Variants in TMEM132C observed in about 807,000 individuals in gnomAD.
The protein encoded by TMEM132C is transmembrane protein 132C.
A neutral mutation model predicts 61.4 loss-of-function variants in TMEM132C; 29 were observed. The ratio of observed to expected loss-of-function variants is 0.47; its 90% CI spans 0.35 to 0.64. The LOEUF is 0.64. TMEM132C is among the 30% of genes least tolerant of loss of function. The pLI is 0.00. For synonymous variants in TMEM132C, 656 were observed against 633.1 expected, an observed-to-expected ratio of 1.04 and a Z score of -0.54; for missense variants, 1,408 against 1,476.9, an observed-to-expected ratio of 0.95 and a Z score of 0.76.
intron 1 of TMEM132C, among the ~76,000 whole-genome samples, chr12:128,338,211 C>A (rs1179422335): frequency 1.3e-5 from 2 of 152,012 alleles, no homozygotes; most frequent in African/African-American, 4.8e-5. Context: ...TCGTGAAGCA[C>A]TGGTTAGGTT....
chr12:128,702,967 T>C (rs1319208193), intron 8 of TMEM132C, among the ~76,000 whole-genome samples: 2 of 152,024 alleles, frequency 1.3e-5, no homozygotes, highest in Non-Finnish European at 2.9e-5. Context: ...TACTTGACTT[T>C]TTCAGCAGAG....
intron 1 of TMEM132C, among the ~76,000 whole-genome samples, chr12:128,392,052 GTCTCTCTCTCTT>G (rs768065165): frequency 0.048 from 5,997 of 125,560 alleles, 147 homozygotes; most frequent in African/African-American, 0.065. Flanking sequence ...CTCTGTCTCT[GTCTCTCTCTCTT>G]TCTCTCTCTC....
intron 3 of TMEM132C, among the ~76,000 whole-genome samples, chr12:128,582,918 G>A (rs1486994730): frequency 6.6e-6 from 1 of 152,142 alleles, no homozygotes; most frequent in Admixed American, 6.5e-5. Flanking sequence ...GAGATTATAA[G>A]CATGAGCCAT....
chr12:128,533,942 CGCACAT>C (rs1873420451), intron 2 of TMEM132C, among the ~76,000 whole-genome samples: 1 of 120,714 alleles, frequency 8.3e-6, no homozygotes, highest in Non-Finnish European at 1.8e-5. Context: ...CTCACACATG[CGCACAT>C]ACACACACAC....
chr12:128,666,454 C>A (rs1954475624), intron 4 of TMEM132C, among the ~76,000 whole-genome samples: 1 of 152,242 alleles, frequency 6.6e-6, no homozygotes, highest in East Asian at 1.9e-4. Flanking sequence ...GCTACCCAGT[C>A]TATGCTATTT....
intron 1 of TMEM132C, among the ~76,000 whole-genome samples, chr12:128,373,995 G>C (rs564928750): frequency 5.9e-5 from 9 of 152,218 alleles, no homozygotes; most frequent in Non-Finnish European, 1.2e-4. Context: ...CCTGGCTTAA[G>C]ATCCTGTGTC....
chr12:128,561,174 A>G (rs1012598829), intron 3 of TMEM132C, among the ~76,000 whole-genome samples: 1 of 152,360 alleles, frequency 6.6e-6, no homozygotes, highest in Admixed American at 6.5e-5. Flanking sequence ...TTTATGAAGC[A>G]AAGTTTTTAT....
At chr12:128,696,177 C>A (rs1593152076) in intron 7 of TMEM132C, 74 bp downstream of exon 7, 8 of 1,489,118 alleles carry the variant, frequency 5.4e-6, no homozygotes, top group African/African-American at 1.4e-5. Flanking sequence ...AATGGGTGGG[C>A]AGATCACTGT....
intron 1 of TMEM132C, among the ~76,000 whole-genome samples, chr12:128,346,434 C>A (rs1288780401): frequency 6.6e-6 from 1 of 152,054 alleles, no homozygotes; most frequent in East Asian, 1.9e-4. Flanking sequence ...TTTTCTAGTT[C>A]TGTGAAGTAT....
chr12:128,394,847 T>G (rs1874886831), intron 1 of TMEM132C, among the ~76,000 whole-genome samples: 1 of 146,316 alleles, frequency 6.8e-6, no homozygotes, highest in African/African-American at 2.6e-5. Context: ...CAAGGGACAC[T>G]CTCTTAAAGC....
At chr12:128,460,986 C>A (rs773843802) in intron 2 of TMEM132C, among the ~76,000 whole-genome samples, 2 of 152,078 alleles carry the variant, frequency 1.3e-5, no homozygotes, top group Non-Finnish European at 2.9e-5. Flanking sequence ...GATGCGTGTT[C>A]ATCAAAAGCC....
chr12:128,502,689 T>C (rs569617460), intron 2 of TMEM132C, among the ~76,000 whole-genome samples: 6 of 152,310 alleles, frequency 3.9e-5, no homozygotes, highest in South Asian at 2.1e-4. Context: ...TGGCAGCCTC[T>C]TGGTTTGTCT....
intron 2 of TMEM132C, among the ~76,000 whole-genome samples, chr12:128,528,088 G>T (rs142556120): frequency 4.9e-4 from 75 of 152,284 alleles, no homozygotes; most frequent in African/African-American, 1.6e-3. Context: ...TCGTTGTTAC[G>T]ATTGGACATA....
Position 128,583,008 on chromosome 12 carries a change from A to G in TMEM132C, c.1122-33144A>G, listed in dbSNP as rs145156042. 7.0e-3 allele frequency among the ~76,000 whole-genome samples: 1,064 copies of G among 152,342 alleles called. 6 individuals are homozygous for G. Among genetic ancestry groups the G allele is most frequent in the African/African-American group, 0.024 (1,018 of 41,576 alleles). ...TTCATAAATGTTTACACTTTATGGAACAGCAGTTCCATTTGTAGTGGCTGA... is the reference window on the plus strand; with the variant it reads ...TTCATAAATGTTTACACTTTATGGAGCAGCAGTTCCATTTGTAGTGGCTGA... On this transcript the variant is annotated intron_variant, in intron 3 of 8. Transcript: ENST00000435159.
chr12:128,314,046 A>G (rs902700499), intron 1 of TMEM132C, among the ~76,000 whole-genome samples: 1 of 152,188 alleles, frequency 6.6e-6, no homozygotes, highest in Non-Finnish European at 1.5e-5. Flanking sequence ...GGGAAACCCT[A>G]GAAATGGTTA....
chr12:128,382,540 G>A (rs1182381203), intron 1 of TMEM132C, among the ~76,000 whole-genome samples: 1 of 152,026 alleles, frequency 6.6e-6, no homozygotes, highest in African/African-American at 2.4e-5. Context: ...CACAGCTCTA[G>A]GTCGTTCTTT....
chr12:128,596,737 A>G (rs1565985881), intron 3 of TMEM132C, among the ~76,000 whole-genome samples: 1 of 152,172 alleles, frequency 6.6e-6, no homozygotes, highest in Non-Finnish European at 1.5e-5. Flanking sequence ...GTCCTGGTAC[A>G]GAGGTGGCAG....
chr12:128,446,868 C>T (rs1031542543), intron 2 of TMEM132C, among the ~76,000 whole-genome samples: 4 of 152,148 alleles, frequency 2.6e-5, no homozygotes, highest in African/African-American at 7.2e-5. Flanking sequence ...TTCATTGCTG[C>T]ATAGACAGAT....
At chr12:128,428,711 A>G (rs982736567) in intron 2 of TMEM132C, among the ~76,000 whole-genome samples, 23 of 152,130 alleles carry the variant, frequency 1.5e-4, no homozygotes, top group Admixed American at 5.2e-4. Context: ...GCCCACACCT[A>G]TGGCATAGAG....
Sources: allele counts gnomAD v4.1 joint callset (sites outside exome capture counted in the v4.1 genomes callset), GRCh38; gene constraint gnomAD v4.1.1; transcripts MANE v1.5; gene names NCBI Gene and HGNC (gene_info 2026-07-23, HGNC 2026-07-21).